The following FBRSL1 variants were observed in gnomAD, a reference collection of about 807,000 sequenced individuals.
FBRSL1 encodes fibrosin like 1.
Under a neutral mutation model 89.6 loss-of-function variants are expected in FBRSL1, and 51 were observed. The observed-to-expected ratio is 0.57, with a 90% CI of 0.45 to 0.72. The LOEUF is 0.72. Ranked by LOEUF, FBRSL1 falls within the 30% of genes least tolerant of loss-of-function variation. The probability of loss-of-function intolerance (pLI) is 0.00; values close to 1 mark genes in which losing one functional copy is unlikely to be tolerated. For missense variants in FBRSL1, 1,618 were observed against 1,451.8 expected (o/e 1.11, Z -1.86); for synonymous variants, 779 against 681.1 (o/e 1.14, Z -2.24).
intron 2 of FBRSL1, among the ~76,000 whole-genome samples, chr12:132,518,464 C>T (rs1238560275): frequency 5.3e-5 from 8 of 151,108 alleles, no homozygotes; most frequent in South Asian, 2.1e-4. Flanking sequence ...TCCATCCACC[C>T]GTCTGTCCAT....
At chr12:132,536,780 C>T (rs969277673) in intron 4 of FBRSL1, among the ~76,000 whole-genome samples, 4 of 152,134 alleles carry the variant, frequency 2.6e-5, no homozygotes, top group Non-Finnish European at 4.4e-5. Context: ...TGTGAGTGCA[C>T]ATGTGTATGT....
At chr12:132,526,761 C>G (rs1386047658) in intron 3 of FBRSL1, among the ~76,000 whole-genome samples, 1 of 152,166 alleles carries the variant, frequency 6.6e-6, no homozygotes, top group East Asian at 1.9e-4. Flanking sequence ...CATCTGCCCC[C>G]CACTCCTCAG....
chr12:132,535,196 T>A (rs1176577031), intron 4 of FBRSL1, among the ~76,000 whole-genome samples: 3 of 152,270 alleles, frequency 2.0e-5, no homozygotes, highest in African/African-American at 7.2e-5. Flanking sequence ...CATGAGGCAG[T>A]TAGCACTTTG....
rs768174802 is a variant in FBRSL1, at chr12:132,574,348, G to C, written c.1629G>C (p.Lys543Asn). The stretch of plus-strand genomic sequence containing the variant: ...CTGACCCGTACCGGGCGGTGGTCAA[G>C]GTGAGCACGTGTTGGGAAGGCCCGT... ...GVSDPYRAVVKKPGRWCAVHV... is the reference protein window; with the variant it reads ...GVSDPYRAVVNKPGRWCAVHV... Residue 543 changes from lysine to asparagine, a missense_variant and splice_region_variant, in exon 13 of 19, where the codon AAG becomes AAC. By Grantham distance (94) the Lys-to-Asn change is moderately conservative. Transcript: ENST00000680143. 1 of 1,549,710 alleles carries C rather than the reference G, an allele frequency of 6.5e-7. No individual in the cohort carries two copies.
intron 4 of FBRSL1, among the ~76,000 whole-genome samples, chr12:132,534,409 C>G (rs2036545242): frequency 6.6e-6 from 1 of 152,272 alleles, no homozygotes; most frequent in Non-Finnish European, 1.5e-5. Flanking sequence ...TCGCCTCCAT[C>G]TGCAGATGCG....
chr12:132,555,488 AGCGTG>A (rs2038557115), intron 5 of FBRSL1, among the ~76,000 whole-genome samples: 1 of 145,094 alleles, frequency 6.9e-6, no homozygotes, highest in African/African-American at 2.6e-5. Flanking sequence ...GCCCCACCCG[AGCGTG>A]AGCGTGGCCT....
At chr12:132,531,868 T>C (rs2036318003) in intron 4 of FBRSL1, among the ~76,000 whole-genome samples, 1 of 152,236 alleles carries the variant, frequency 6.6e-6, no homozygotes, top group Admixed American at 6.5e-5. Context: ...TGTAATTTTG[T>C]CCACATTGGT....
chr12:132,572,156 T>C, intron 9 of FBRSL1, 132 bp from the exon 10 acceptor site: 1 of 762,624 alleles, frequency 1.3e-6, no homozygotes, highest in South Asian at 1.8e-5. Flanking sequence ...CTGGGACGGC[T>C]GGCCGAAGCC....
chr12:132,568,669 AC>A (rs1263214778), intron 6 of FBRSL1, among the ~76,000 whole-genome samples: 1 of 152,242 alleles, frequency 6.6e-6, no homozygotes, highest in Non-Finnish European at 1.5e-5. Context: ...CACAGCTCTT[AC>A]TATATGCAAG....
intron 2 of FBRSL1, chr12:132,510,637 C>G: frequency 8.1e-7 from 1 of 1,230,288 alleles, no homozygotes; most frequent in Non-Finnish European, 1.0e-6. Flanking sequence ...GAGGCGGGAG[C>G]CCCTACAGTG....
intron 5 of FBRSL1, among the ~76,000 whole-genome samples, chr12:132,550,404 G>A (rs1047064658): frequency 1.4e-4 from 22 of 152,310 alleles, no homozygotes; most frequent in Middle Eastern, 3.4e-3. Flanking sequence ...GAGCGCCGGC[G>A]CACAAAGCGG....
chr12:132,495,784 C>T (rs866802965), intron 1 of FBRSL1, among the ~76,000 whole-genome samples: 29 of 152,212 alleles, frequency 1.9e-4, no homozygotes, highest in Admixed American at 1.7e-3. Flanking sequence ...CCTCGGTCCA[C>T]GTGGGTGCCC....
Position 132,572,590 on chromosome 12 carries a change from T to G in FBRSL1, c.1498T>G (p.Phe500Val). 1 of 1,551,074 alleles carries G rather than the reference T, an allele frequency of 6.4e-7. No individual in the cohort carries two copies. The highest frequency in any genetic ancestry group is 8.7e-7 in the Non-Finnish European group (1 of 1,146,842). The change falls in exon 11 of 19, where the codon TTC becomes GTC. Residue 500 changes from phenylalanine to valine, a missense_variant. By Grantham distance (50) the Phe-to-Val change is conservative. Coordinates refer to ENST00000680143, the MANE Select transcript of FBRSL1 (RefSeq NM_001367871.1). ...CACCCTGCTCCCACACCCCGGCCCC[T>G]TCGGGTCCCTGCAGGGCGCTTTTCA... The part of the protein sequence containing the change: ...LPTLLPHPGP[F>V]GSLQGAFQPK...
intron 6 of FBRSL1, among the ~76,000 whole-genome samples, chr12:132,569,694 C>T (rs531137933): frequency 1.1e-4 from 16 of 152,324 alleles, no homozygotes; most frequent in African/African-American, 3.8e-4. Context: ...ACCCCCACCC[C>T]TGGCCACGGC....
chr12:132,494,158 C>T (rs947778870), intron 1 of FBRSL1, among the ~76,000 whole-genome samples: 4 of 152,166 alleles, frequency 2.6e-5, no homozygotes, highest in Admixed American at 1.3e-4. Flanking sequence ...TTGTTCTGAC[C>T]GGGAACTCTG....
intron 4 of FBRSL1, among the ~76,000 whole-genome samples, chr12:132,532,992 C>G (rs1032378806): frequency 6.6e-6 from 1 of 152,166 alleles, no homozygotes. Context: ...ACACTCATTA[C>G]GGGGCTCCTT....
At position 132,499,141 on chromosome 12, in the gene FBRSL1, G is replaced by A. The variant is rs1198016135; in HGVS notation, c.291+8280G>A. Among the ~76,000 whole-genome samples the A allele has an allele frequency of 4.6e-5, 7 of 152,354 alleles. No homozygotes were observed. Among genetic ancestry groups the A allele is most frequent in the African/African-American group, 1.4e-4 (6 of 41,584 alleles). On this transcript the variant is annotated intron_variant, in intron 1 of 18. Coordinates refer to ENST00000680143, the MANE Select transcript of FBRSL1 (RefSeq NM_001367871.1). This position sits in a 1 kb window ranked among gnomAD's most constrained non-coding sequence, Gnocchi z 4.3. ...CTCATCCGGCCTCGGCAGCCGCCCC[G>A]CCCATTCCAGATCTCTGCTCTGCCC... is the stretch of plus-strand genomic sequence containing the variant.
intron 14 of FBRSL1, among the ~76,000 whole-genome samples, chr12:132,576,158 T>G (rs2040367804): frequency 6.8e-6 from 1 of 148,094 alleles, no homozygotes; most frequent in African/African-American, 2.5e-5. Flanking sequence ...TCAGCATATT[T>G]GGAACAACTT....
At chr12:132,573,134 G>A (rs545156247) in intron 11 of FBRSL1, among the ~76,000 whole-genome samples, 24 of 152,336 alleles carry the variant, frequency 1.6e-4, no homozygotes, top group Non-Finnish European at 2.1e-4. Context: ...CCTCCTCACT[G>A]TTCCTGGCCT....
Sources: gnomAD v4.1 joint callset for allele counts (sites outside exome capture counted in the v4.1 genomes callset) on GRCh38, gnomAD v4.1.1 for gene constraint, Gnocchi (gnomAD v3.1) non-coding constraint, MANE v1.5 for transcripts, NCBI Gene and HGNC (gene_info 2026-07-23, HGNC 2026-07-21) for gene names.